NRP2: variants seen among roughly 807,000 people sequenced by gnomAD.
NRP2 encodes the protein neuropilin-2.
NRP2 carries 52 observed loss-of-function variants against 110.4 expected under a neutral mutation model. The observed-to-expected ratio is 0.47, with a 90% CI of 0.38 to 0.59. The LOEUF (loss-of-function observed/expected upper bound fraction) is 0.59. Ranked by LOEUF, NRP2 falls within the 20% of genes least tolerant of loss-of-function variation. The pLI, the probability that NRP2 is intolerant of heterozygous loss-of-function variation, is 0.00. For missense variants in NRP2, 1,049 were observed against 1,203.0 expected (o/e 0.87, Z 1.89); for synonymous variants, 508 against 468.9 (o/e 1.08, Z -1.08).
chr2:205,695,973 T>C (rs2056415982), intron 1 of NRP2, among the ~76,000 whole-genome samples: 2 of 152,030 alleles, frequency 1.3e-5, no homozygotes, highest in South Asian at 4.1e-4. Flanking sequence ...TGCAGGGTCA[T>C]TAGGTAAGAA....
Position 205,776,508 on chromosome 2 carries a change from C to T in NRP2, c.2425+9705C>T, listed in dbSNP as rs201514987. ...CCCTAACCATTAAGCTAGAGCAAGA[C>T]CGTGGCTCGCACTGCTGAGGGCCGA... On this transcript the variant is annotated intron_variant, in intron 15 of 16. Coordinates refer to ENST00000357785, the MANE Select transcript of NRP2 (RefSeq NM_003872.3). 1,244 of 1,606,722 alleles carry T rather than the reference C, an allele frequency of 7.7e-4. 1 individual carries two copies. The highest frequency in any genetic ancestry group is 1.0e-3 in the Non-Finnish European group (1,225 of 1,179,756).
chr2:205,722,813 C>T lies in NRP2; in HGVS notation c.664+105C>T, dbSNP rs949997613. 4.6e-6 allele frequency: 4 copies of T among 875,114 alleles called. No homozygotes were observed. In the African/African-American group the frequency reaches 6.7e-5, roughly 15 times the overall value. 54.2% of individuals were successfully genotyped at this position (875,114 alleles called of 1,614,324 possible). On this transcript the variant is annotated intron_variant, in intron 4 of 16. Transcript: ENST00000357785. ...AAAGACTTCAAAGCTCCTATGAGTT[C>T]TTATATGACCCATGGTGACTTTCTC...
chr2:205,777,673 T>C (rs1294891333), intron 15 of NRP2: 1 of 152,198 alleles, frequency 6.6e-6, no homozygotes, highest in Non-Finnish European at 1.5e-5. Context: ...GTCATTGTAA[T>C]AGCAGTTGTA....
intron 6 of NRP2, among the ~76,000 whole-genome samples, chr2:205,726,345 C>T (rs781640747): frequency 6.6e-5 from 10 of 152,254 alleles, no homozygotes; most frequent in Non-Finnish European, 1.0e-4. Flanking sequence ...TGCTGTTTGC[C>T]CTATCACTAT....
chr2:205,794,285 T>G (rs1262244907), intron 16 of NRP2, among the ~76,000 whole-genome samples: 1 of 152,138 alleles, frequency 6.6e-6, no homozygotes, highest in Non-Finnish European at 1.5e-5. Flanking sequence ...TAATTTTTTG[T>G]ATTTTTAGTA....
At chr2:205,765,631 C>G (rs2057902899) in intron 14 of NRP2, 61 bp downstream of exon 14, 6 of 1,401,804 alleles carry the variant, frequency 4.3e-6, no homozygotes, top group Non-Finnish European at 6.1e-6. Flanking sequence ...CTGGGATAAG[C>G]AAGAGGAGGC....
intron 7 of NRP2, among the ~76,000 whole-genome samples, chr2:205,729,360 G>A (rs2057191862): frequency 6.6e-6 from 1 of 152,234 alleles, no homozygotes; most frequent in African/African-American, 2.4e-5. Flanking sequence ...AGATGTGCCA[G>A]GCCAGGTCTG....
intron 11 of NRP2, 97 bp from the exon 12 acceptor site, chr2:205,752,738 C>A: frequency 7.7e-7 from 1 of 1,296,016 alleles, no homozygotes; most frequent in Non-Finnish European, 1.1e-6. Context: ...CTCTGCTCTC[C>A]ACTCAGGCCT....
chr2:205,767,536 G>A, intron 15 of NRP2: 1 of 392,630 alleles, frequency 2.5e-6, no homozygotes, highest in South Asian at 1.8e-5. Flanking sequence ...AGAGAGCAGA[G>A]CAAAGTGAGA....
intron 11 of NRP2, among the ~76,000 whole-genome samples, chr2:205,751,481 A>G (rs1001285033): frequency 6.6e-6 from 1 of 151,664 alleles, no homozygotes; most frequent in African/African-American, 2.4e-5. Flanking sequence ...GGGGTGGTAA[A>G]GGCTAAGGGC....
intron 1 of NRP2, among the ~76,000 whole-genome samples, chr2:205,693,522 A>C (rs2056356543): frequency 6.6e-6 from 1 of 152,032 alleles, no homozygotes; most frequent in South Asian, 2.1e-4. Flanking sequence ...AGTTTTGTTC[A>C]AGAAAAAAAA....
rs2058309594 is a variant in NRP2, at chr2:205,792,255, G to A, written c.2446G>A (p.Glu816Lys). 1 of 1,597,324 alleles carries A rather than the reference G, an allele frequency of 6.3e-7. No homozygotes were observed. Among genetic ancestry groups the A allele is most frequent in the African/African-American group, 1.3e-5 (1 of 74,602 alleles). ...TATAGTGGACATCCCAGAAATACAT[G>A]AGAGAGAAGGATATGAAGATGAAAT... is the stretch of plus-strand genomic sequence containing the variant. ...AFAVDIPEIH[E>K]REGYEDEIDD... Residue 816 changes from glutamate (E) to lysine (K), a missense_variant, in exon 16 of 17, where the codon GAG (glutamate) becomes AAG (lysine). Glu to Lys is a moderately conservative substitution (Grantham distance 56, BLOSUM62 1). Coordinates refer to ENST00000357785, the MANE Select transcript of NRP2 (RefSeq NM_003872.3).
At chr2:205,765,286 C>T (rs2057895723) in intron 13 of NRP2, among the ~76,000 whole-genome samples, 188 bp from the exon 14 acceptor site, 2 of 152,062 alleles carry the variant, frequency 1.3e-5, no homozygotes. Context: ...TGAACAAACT[C>T]ATTTTGAATT....
chr2:205,780,506 A>C (rs1236539495), intron 15 of NRP2, among the ~76,000 whole-genome samples: 3 of 152,128 alleles, frequency 2.0e-5, no homozygotes, highest in Admixed American at 2.0e-4. Context: ...AAATCTAGGA[A>C]AGGCAGCCTC....
At chr2:205,695,881 G>A (rs1223802010) in intron 1 of NRP2, among the ~76,000 whole-genome samples, 3 of 152,152 alleles carry the variant, frequency 2.0e-5, no homozygotes, top group African/African-American at 7.2e-5. Context: ...GGTATTGGCT[G>A]CAGAGGAGCT....
At chr2:205,765,235 C>G (rs1166770822) in intron 13 of NRP2, among the ~76,000 whole-genome samples, 1 of 152,148 alleles carries the variant, frequency 6.6e-6, no homozygotes, top group Non-Finnish European at 1.5e-5. Context: ...ATATCCACCC[C>G]CTTGTTATAT....
chr2:205,703,570 C>A (rs1425024996), intron 2 of NRP2, among the ~76,000 whole-genome samples: 1 of 152,224 alleles, frequency 6.6e-6, no homozygotes, highest in East Asian at 1.9e-4. Context: ...GCCTCCCCGG[C>A]ATCATGCATT....
chr2:205,719,077 A>C (rs919716964), intron 3 of NRP2, among the ~76,000 whole-genome samples: 4 of 152,216 alleles, frequency 2.6e-5, no homozygotes, highest in Admixed American at 6.5e-5. Flanking sequence ...TGTTGGAGTC[A>C]GGAGAGAAAA....
chr2:205,688,560 C>T (rs919102402), intron 1 of NRP2, among the ~76,000 whole-genome samples: 2 of 152,102 alleles, frequency 1.3e-5, no homozygotes, highest in African/African-American at 4.8e-5. Flanking sequence ...GGCTGGCCCT[C>T]CAGGAGAAAG....
Sources: gnomAD v4.1 joint callset for allele counts (sites outside exome capture counted in the v4.1 genomes callset) on GRCh38, gnomAD v4.1.1 for gene constraint, MANE v1.5 for transcripts, NCBI Gene and HGNC (gene_info 2026-07-23, HGNC 2026-07-21) for gene names.